Variants in ADCY2 observed in about 807,000 individuals in gnomAD.
The protein encoded by ADCY2 is adenylate cyclase 2, also known as adenylate cyclase type 2.
ADCY2 carries 31 observed loss-of-function variants against 125.2 expected under a neutral mutation model. That is an observed-to-expected ratio of 0.25 (90% CI 0.19 to 0.33). The LOEUF is 0.33. Among genes scored for constraint, ADCY2 ranks in the 10% least tolerant of loss-of-function variants. ADCY2 has a pLI of 1.00. For synonymous variants in ADCY2, 512 were observed against 548.4 expected, an observed-to-expected ratio of 0.93 and a Z score of 0.93; for missense variants, 904 against 1,418.2, an observed-to-expected ratio of 0.64 and a Z score of 5.82.
At chr5:7,685,893 A>G (rs1194688644) in intron 4 of ADCY2, among the ~76,000 whole-genome samples, 3 of 152,204 alleles carry the variant, frequency 2.0e-5, no homozygotes, top group Admixed American at 1.3e-4. Context: ...AGGTGGCCCA[A>G]TGGCTGCTTA....
rs79960690 is a variant in ADCY2, at chr5:7,609,651, C to T, written c.571-16516C>T. 2.1e-3 allele frequency among the ~76,000 whole-genome samples: 319 copies of T among 152,194 alleles called. 3 individuals carry two copies. Among genetic ancestry groups the T allele is most frequent in the African/African-American group, 7.0e-3 (292 of 41,510 alleles). ...GACCCTCAAGGAACATAGAGCAGAA[C>T]ATGAAAGACAGACAATAAGCAGATG... On this transcript the variant is annotated intron_variant, in intron 3 of 24. Coordinates refer to ENST00000338316, the MANE Select transcript of ADCY2 (RefSeq NM_020546.3).
At chr5:7,536,984 A>C (rs1734834004) in intron 3 of ADCY2, among the ~76,000 whole-genome samples, 1 of 151,614 alleles carries the variant, frequency 6.6e-6, no homozygotes, top group African/African-American at 2.4e-5. Context: ...TTTGACTTAA[A>C]GTAATCAATA....
At chr5:7,724,762 A>G in intron 13 of ADCY2, 148 bp downstream of exon 13, 1 of 642,876 alleles carries the variant, frequency 1.6e-6, no homozygotes, top group Non-Finnish European at 2.7e-6. Flanking sequence ...TGGTTCTTTC[A>G]TGCATATATT....
At chr5:7,651,562 T>C (rs1739090337) in intron 4 of ADCY2, among the ~76,000 whole-genome samples, 1 of 152,178 alleles carries the variant, frequency 6.6e-6, no homozygotes, top group Non-Finnish European at 1.5e-5. Context: ...CATGCTCTCC[T>C]GCCTGCTTTT....
chr5:7,460,904 C>T lies in ADCY2; in HGVS notation c.408+46134C>T, dbSNP rs374902754. Among the ~76,000 whole-genome samples the T allele has an allele frequency of 1.7e-4, 26 of 152,260 alleles. No individual in the cohort carries two copies. The South Asian group carries it at 1.9e-3, about 11-fold the overall frequency. On this transcript the variant is annotated intron_variant, in intron 2 of 24. Transcript: ENST00000338316. Reference sequence around the variant, plus strand: ...TTCTTTAAGCTTTGCTTCTATCATTCGAGAGTAGGTTCCTCTGCATTTACA... The same window carrying T: ...TTCTTTAAGCTTTGCTTCTATCATTTGAGAGTAGGTTCCTCTGCATTTACA...
At chr5:7,573,132 T>C (rs146398994) in intron 3 of ADCY2, among the ~76,000 whole-genome samples, 385 of 152,216 alleles carry the variant, frequency 2.5e-3, no homozygotes, top group African/African-American at 9.0e-3. Context: ...TACACCATGA[T>C]TGTGGACTTC....
intron 2 of ADCY2, among the ~76,000 whole-genome samples, chr5:7,475,155 T>C (rs918369799): frequency 5.9e-5 from 9 of 152,102 alleles, no homozygotes; most frequent in African/African-American, 2.2e-4. Flanking sequence ...CTCCAGCACA[T>C]AGGTGAAGTG....
intron 4 of ADCY2, among the ~76,000 whole-genome samples, chr5:7,629,905 T>G (rs991178204): frequency 3.3e-5 from 5 of 152,210 alleles, no homozygotes; most frequent in Admixed American, 2.0e-4. Flanking sequence ...AAATGCTGTT[T>G]CCGTAGGAGT....
intron 24 of ADCY2, among the ~76,000 whole-genome samples, chr5:7,823,881 G>T (rs1745381071): frequency 6.6e-6 from 1 of 152,206 alleles, no homozygotes; most frequent in Non-Finnish European, 1.5e-5. Context: ...GCTTCATAAA[G>T]CTCCATGCGA....
chr5:7,739,329 A>T (rs997018015), intron 14 of ADCY2, among the ~76,000 whole-genome samples: 1 of 151,924 alleles, frequency 6.6e-6, no homozygotes, highest in Admixed American at 6.6e-5. Flanking sequence ...CTAACCCAGG[A>T]GTCAAATATG....
At chr5:7,807,599 A>G (rs965464371) in intron 22 of ADCY2, among the ~76,000 whole-genome samples, 1 of 152,000 alleles carries the variant, frequency 6.6e-6, no homozygotes, top group African/African-American at 2.4e-5. Flanking sequence ...CCTCTTCTCT[A>G]TCAGGGACCT....
At chr5:7,738,813 A>G (rs1436753581) in intron 14 of ADCY2, among the ~76,000 whole-genome samples, 3 of 151,960 alleles carry the variant, frequency 2.0e-5, no homozygotes, top group Non-Finnish European at 4.4e-5. Flanking sequence ...TAAAAAGGTC[A>G]TTTCACCAGG....
intron 3 of ADCY2, among the ~76,000 whole-genome samples, chr5:7,558,740 A>T (rs987726554): frequency 6.6e-6 from 1 of 152,180 alleles, no homozygotes; most frequent in African/African-American, 2.4e-5. Flanking sequence ...TGGCATCATC[A>T]TCATGAAATA....
intron 3 of ADCY2, among the ~76,000 whole-genome samples, chr5:7,594,291 G>A (rs1321759962): frequency 6.6e-6 from 1 of 152,126 alleles, no homozygotes; most frequent in East Asian, 1.9e-4. Context: ...CAGTATGTGA[G>A]CCACACACAT....
intron 14 of ADCY2, among the ~76,000 whole-genome samples, chr5:7,738,383 T>A (rs1363141348): frequency 6.6e-6 from 1 of 151,888 alleles, no homozygotes; most frequent in African/African-American, 2.4e-5. Context: ...AAAATACTTT[T>A]AAATATTTAA....
In ADCY2 at chr5:7,698,943, G is replaced by T. The variant is rs368630634; in HGVS notation, c.1109+569G>T. ...GGGTCAAATGGTATTTCTAGTTCTA[G>T]ATCCTTGAGGAATCACCACACTGTC... is the stretch of plus-strand genomic sequence containing the variant. On this transcript the variant is annotated intron_variant, in intron 7 of 24. Coordinates refer to ENST00000338316, the MANE Select transcript of ADCY2 (RefSeq NM_020546.3). Among the ~76,000 whole-genome samples, 915 of 152,124 alleles carry T rather than the reference G, an allele frequency of 6.0e-3. 7 individuals are homozygous for T. Among genetic ancestry groups the T allele is most frequent in the South Asian group, 0.028 (137 of 4,814 alleles).
At chr5:7,571,467 C>T (rs529271377) in intron 3 of ADCY2, among the ~76,000 whole-genome samples, 1 of 152,144 alleles carries the variant, frequency 6.6e-6, no homozygotes, top group Non-Finnish European at 1.5e-5. Context: ...GATACCCACT[C>T]ACATTGGTGA....
At chr5:7,678,824 G>C (rs76426279) in intron 4 of ADCY2, among the ~76,000 whole-genome samples, 1 of 152,060 alleles carries the variant, frequency 6.6e-6, no homozygotes, top group Non-Finnish European at 1.5e-5. Context: ...CAGAGCTGAG[G>C]CCAGAATGTT....
intron 7 of ADCY2, among the ~76,000 whole-genome samples, chr5:7,699,412 T>C (rs1248034816): frequency 1.3e-5 from 2 of 152,254 alleles, no homozygotes; most frequent in Non-Finnish European, 2.9e-5. Context: ...GCATTTTTTT[T>C]AACTGTCTAA....
Sources: allele counts gnomAD v4.1 joint callset (sites outside exome capture counted in the v4.1 genomes callset), GRCh38; gene constraint gnomAD v4.1.1; transcripts MANE v1.5; gene names NCBI Gene and HGNC (gene_info 2026-07-23, HGNC 2026-07-21).